Variants in TECPR2 observed in about 807,000 individuals in gnomAD.
TECPR2 encodes tectonin beta-propeller repeat-containing protein 2.
A neutral mutation model predicts 138.1 loss-of-function variants in TECPR2; 65 were observed. The ratio of observed to expected loss-of-function variants is 0.47; its 90% CI spans 0.39 to 0.58. The LOEUF (loss-of-function observed/expected upper bound fraction) is 0.58. Among genes scored for constraint, TECPR2 ranks in the 20% least tolerant of loss-of-function variants. TECPR2 has a pLI of 0.00. For missense variants in TECPR2, 1,553 were observed against 1,824.5 expected (o/e 0.85, Z 2.71); for synonymous variants, 746 against 749.8 (o/e 0.99, Z 0.08).
At chr14:102,489,228 A>C (rs1724014066) in intron 17 of TECPR2, among the ~76,000 whole-genome samples, 3 of 152,126 alleles carry the variant, frequency 2.0e-5, no homozygotes, top group African/African-American at 7.2e-5. Context: ...TAGCAATGTG[A>C]AGCCACTCCC....
chr14:102,460,781 A>G (rs1482387056), intron 16 of TECPR2, among the ~76,000 whole-genome samples: 1 of 145,924 alleles, frequency 6.9e-6, no homozygotes, highest in Non-Finnish European at 1.5e-5. Context: ...TGCAAGCTCC[A>G]CCTCCCAGCT....
chr14:102,375,296 T>C (rs145091093), intron 1 of TECPR2, among the ~76,000 whole-genome samples: 151 of 152,140 alleles, frequency 9.9e-4, no homozygotes, highest in African/African-American at 3.4e-3. Flanking sequence ...CAGTGAGTCA[T>C]GATCTTGCTA....
At position 102,438,094 on chromosome 14, in the gene TECPR2, A is replaced by G. The variant is rs1261097597; in HGVS notation, c.2467A>G (p.Ile823Val). 3 of 1,614,104 alleles carry G rather than the reference A, an allele frequency of 1.9e-6. No individual in the cohort carries two copies. Among genetic ancestry groups the G allele is most frequent in the Non-Finnish European group, 2.5e-6 (3 of 1,180,022 alleles). ...ILSLVVSEKY[I>V]WCLDYKGGLF... ...CAGCTTGGTGGTCTCCGAGAAGTAT[A>G]TCTGGTGCCTGGACTACAAAGGCGG... The change falls in exon 10 of 20, where the codon ATC becomes GTC. Residue 823 changes from isoleucine to valine, a missense_variant. Physicochemically the swap from Ile to Val is conservative, Grantham distance 29. Transcript: ENST00000359520.
At chr14:102,487,603 G>A (rs1007516317) in intron 17 of TECPR2, among the ~76,000 whole-genome samples, 20 of 152,012 alleles carry the variant, frequency 1.3e-4, no homozygotes, top group Non-Finnish European at 2.2e-4. Flanking sequence ...GTGCAGTGGC[G>A]CAATCTGGGC....
At chr14:102,400,048 CTTTTTTTTT>C (rs992365072) in intron 2 of TECPR2, among the ~76,000 whole-genome samples, 2 of 83,378 alleles carry the variant, frequency 2.4e-5, no homozygotes, top group Non-Finnish European at 5.8e-5. Context: ...CTTTTCTTTT[CTTTTTTTTT>C]TTTTTTTAGA....
intron 16 of TECPR2, among the ~76,000 whole-genome samples, chr14:102,455,905 G>A (rs115563083): frequency 0.027 from 4,165 of 152,280 alleles, 77 homozygotes; most frequent in Middle Eastern, 0.088. Context: ...GAGCCACCAC[G>A]TACAGTCCCT....
intron 2 of TECPR2, among the ~76,000 whole-genome samples, chr14:102,378,827 G>A (rs1044936273): frequency 1.3e-5 from 2 of 152,056 alleles, no homozygotes; most frequent in Non-Finnish European, 2.9e-5. Flanking sequence ...ATTTCACCAT[G>A]TTGGCCAGGC....
intron 10 of TECPR2, among the ~76,000 whole-genome samples, chr14:102,439,067 TGG>T (rs1889760409): frequency 6.6e-6 from 1 of 152,032 alleles, no homozygotes; most frequent in Non-Finnish European, 1.5e-5. Context: ...GGTTTCACTG[TGG>T]TAGCCAGGAT....
chr14:102,497,266 A>G, intron 18 of TECPR2, 146 bp downstream of exon 18: 3 of 1,356,542 alleles, frequency 2.2e-6, no homozygotes, highest in Non-Finnish European at 2.9e-6. Context: ...GGGCCAGGGG[A>G]CAAGCCTCCC....
At chr14:102,401,331 C>T (rs904661216) in intron 2 of TECPR2, among the ~76,000 whole-genome samples, 3 of 150,264 alleles carry the variant, frequency 2.0e-5, no homozygotes, top group African/African-American at 7.4e-5. Flanking sequence ...CCCAGCTACC[C>T]AGGAGGCTGA....
intron 16 of TECPR2, among the ~76,000 whole-genome samples, chr14:102,458,311 C>T (rs989305718): frequency 5.9e-5 from 9 of 152,194 alleles, no homozygotes; most frequent in Non-Finnish European, 8.8e-5. Context: ...GGAGCCCCCT[C>T]GTCACCAAGT....
At chr14:102,414,277 T>C (rs1410891392) in intron 4 of TECPR2, among the ~76,000 whole-genome samples, 2 of 152,204 alleles carry the variant, frequency 1.3e-5, no homozygotes, top group East Asian at 3.8e-4. Flanking sequence ...TGTTTAGATC[T>C]TTATGGATTC....
In TECPR2 at chr14:102,498,187, G is replaced by A; in HGVS notation, c.4166G>A (p.Gly1389Asp). Residue 1389 changes from glycine to aspartate, a missense_variant, in exon 20 of 20, where the codon GGC becomes GAC. Gly to Asp is a moderately conservative substitution (Grantham distance 94). Transcript: ENST00000359520. The part of the protein sequence containing the change: ...RLTKTFSHSH[G>D]TQKSSQAAMP... ...ACAAAGACGTTCAGCCACTCGCACG[G>A]CACCCAGAAGAGCAGCCAGGCCGCC... The A allele has an allele frequency of 6.2e-7, 1 of 1,611,006 alleles. No homozygotes were observed.
intron 16 of TECPR2, among the ~76,000 whole-genome samples, chr14:102,457,788 G>A (rs1373673811): frequency 6.6e-6 from 1 of 151,538 alleles, no homozygotes; most frequent in African/African-American, 2.4e-5. Context: ...CTGCATTTGA[G>A]GATGTTGTTC....
intron 16 of TECPR2, among the ~76,000 whole-genome samples, chr14:102,452,871 G>C (rs1028698361): frequency 6.6e-6 from 1 of 152,168 alleles, no homozygotes; most frequent in Non-Finnish European, 1.5e-5. Context: ...GAGGGTGTGC[G>C]TCCTCAGGTC....
chr14:102,440,736 C>A, intron 11 of TECPR2, 127 bp downstream of exon 11: 5 of 1,211,052 alleles, frequency 4.1e-6, no homozygotes, highest in Non-Finnish European at 5.6e-6. Context: ...CGAATTAAGA[C>A]ACTTCTGGGA....
At chr14:102,449,458 A>G (rs1890078981) in intron 13 of TECPR2, among the ~76,000 whole-genome samples, 171 bp from the exon 14 acceptor site, 1 of 152,262 alleles carries the variant, frequency 6.6e-6, no homozygotes, top group Admixed American at 6.5e-5. Context: ...GCATCCTGCC[A>G]CATTTTTTTG....
chr14:102,439,829 A>C (rs1000381130), intron 10 of TECPR2, among the ~76,000 whole-genome samples: 4 of 152,188 alleles, frequency 2.6e-5, no homozygotes, highest in Admixed American at 1.3e-4. Context: ...GGCCTGCTCC[A>C]GGCCTCCAGC....
At chr14:102,455,955 T>C (rs1890268176) in intron 16 of TECPR2, among the ~76,000 whole-genome samples, 1 of 152,180 alleles carries the variant, frequency 6.6e-6, no homozygotes, top group African/African-American at 2.4e-5. Flanking sequence ...GGTTTTATCA[T>C]GTTGGCCAGG....
Sources: allele counts gnomAD v4.1 joint callset (sites outside exome capture counted in the v4.1 genomes callset), GRCh38; gene constraint gnomAD v4.1.1; transcripts MANE v1.5; gene names NCBI Gene and HGNC (gene_info 2026-07-23, HGNC 2026-07-21).